RAB5B: variants seen among roughly 807,000 people sequenced by gnomAD.
RAB5B encodes the protein RAB5B, member RAS oncogene family.
RAB5B carries 11 observed loss-of-function variants against 28.6 expected under a neutral mutation model. The observed-to-expected ratio is 0.38, with a 90% CI of 0.24 to 0.64. RAB5B has a LOEUF of 0.64. Among genes scored for constraint, RAB5B ranks in the 30% least tolerant of loss-of-function variants. RAB5B has a pLI of 0.53. For synonymous variants in RAB5B, 93 were observed against 97.9 expected, an observed-to-expected ratio of 0.95 and a Z score of 0.29; for missense variants, 169 against 265.6, an observed-to-expected ratio of 0.64 and a Z score of 2.53.
At chr12:55,983,894 A>G (rs923570986) in intron 1 of RAB5B, among the ~76,000 whole-genome samples, 3 of 151,660 alleles carry the variant, frequency 2.0e-5, no homozygotes, top group African/African-American at 7.3e-5. Flanking sequence ...TCCTCACCTC[A>G]AGCAAGGCTT....
At chr12:55,979,753 TA>T (rs1295415413) in intron 1 of RAB5B, among the ~76,000 whole-genome samples, 2 of 152,142 alleles carry the variant, frequency 1.3e-5, no homozygotes, top group African/African-American at 4.8e-5. Flanking sequence ...AGTACTTACC[TA>T]AACTGAATAG....
Position 55,990,060 on chromosome 12 carries a change from GC to G in RAB5B, c.280del (p.Gln94LysfsTer22). 6.2e-7 allele frequency: 1 copy of G among 1,614,186 alleles called. No individual in the cohort carries two copies. The highest frequency in any genetic ancestry group is 8.5e-7 in the Non-Finnish European group (1 of 1,180,024). Reference protein sequence around the residue: ...HSLAPMYYRGAQAAIVVYDIT... With the variant: ...HSLAPMYYRGXQAAIVVYDIT... ...CTTAGCCCCCATGTACTACAGGGGT[GC>G]CCAAGCTGCAATCGTGGTTTACGAC... On this transcript the variant is annotated frameshift_variant, in exon 3 of 6. Transcript: ENST00000360299. LOFTEE classifies it high-confidence loss of function.
At chr12:55,978,289 G>A (rs1215888844) in intron 1 of RAB5B, among the ~76,000 whole-genome samples, 1 of 152,158 alleles carries the variant, frequency 6.6e-6, no homozygotes, top group Non-Finnish European at 1.5e-5. Context: ...CACGAGGTCA[G>A]GAGATTGAGA....
intron 3 of RAB5B, 49 bp downstream of exon 3, chr12:55,990,147 C>T (rs774010335): frequency 3.4e-5 from 53 of 1,554,128 alleles, no homozygotes; most frequent in Middle Eastern, 1.7e-4. Context: ...TGGTGGCTTA[C>T]GCCTATAATC....
chr12:55,978,459 G>A (rs1268118760), intron 1 of RAB5B, among the ~76,000 whole-genome samples: 1 of 151,764 alleles, frequency 6.6e-6, no homozygotes, highest in Non-Finnish European at 1.5e-5. Context: ...AGCCGAGATC[G>A]CGTCACTGCA....
chr12:55,992,605 GTTC>G lies in RAB5B; in HGVS notation c.*396_*398del. On this transcript the variant is annotated 3_prime_UTR_variant, in exon 6 of 6. Coordinates refer to ENST00000360299, the MANE Select transcript of RAB5B (RefSeq NM_002868.4). Reference sequence around the variant, plus strand: ...CCCCTTCTGCTTTTGGTCAGTCCCTGTTCTTGAGCCTCTTTTCTCCTCTCCCCA... The same window carrying G: ...CCCCTTCTGCTTTTGGTCAGTCCCTGTTGAGCCTCTTTTCTCCTCTCCCCA... 1 of 446,206 alleles carries G rather than the reference GTTC, an allele frequency of 2.2e-6. No individual in the cohort carries two copies. The highest frequency in any genetic ancestry group is 4.4e-6 in the Non-Finnish European group (1 of 226,740). 27.6% of individuals were successfully genotyped at this position (446,206 alleles called of 1,614,324 possible).
At chr12:55,991,646 C>T (rs1000638422) in intron 5 of RAB5B, 193 bp downstream of exon 5, 47 of 536,042 alleles carry the variant, frequency 8.8e-5, no homozygotes, top group East Asian at 4.3e-4. Context: ...GTAAGTTTGC[C>T]GGCCAGGTGT....
At chr12:55,989,657 TAGA>T (rs1290303118) in intron 2 of RAB5B, among the ~76,000 whole-genome samples, 2 of 152,244 alleles carry the variant, frequency 1.3e-5, no homozygotes, top group Non-Finnish European at 1.5e-5. Context: ...CTATTTTGGT[TAGA>T]AGAAGGATGA....
intron 3 of RAB5B, 57 bp from the exon 4 acceptor site, chr12:55,990,624 GT>G: frequency 6.3e-7 from 1 of 1,599,584 alleles, no homozygotes; most frequent in African/African-American, 1.3e-5. Flanking sequence ...ATTTTAAAAG[GT>G]GATGGATATG....
chr12:55,978,362 C>T (rs546531531), intron 1 of RAB5B, among the ~76,000 whole-genome samples: 5 of 151,892 alleles, frequency 3.3e-5, no homozygotes, highest in South Asian at 2.1e-4. Context: ...ATTAGCTGGG[C>T]GTGGTGGTGG....
At chr12:55,977,393 T>G (rs1018548571) in intron 1 of RAB5B, among the ~76,000 whole-genome samples, 1 of 152,104 alleles carries the variant, frequency 6.6e-6, no homozygotes, top group Non-Finnish European at 1.5e-5. Flanking sequence ...AGACCTGGAG[T>G]TGCAAAAATA....
Position 55,990,984 on chromosome 12 carries a change from G to A in RAB5B, c.438+180G>A. Reference sequence around the variant, plus strand: ...AATGACAGCCAGGAGATTTTCAAAGGAGTCAGGAGAAAACTCCAGAGCAGA... The same window carrying A: ...AATGACAGCCAGGAGATTTTCAAAGAAGTCAGGAGAAAACTCCAGAGCAGA... On this transcript the variant is annotated intron_variant, in intron 4 of 5. Transcript: ENST00000360299. The A allele has an allele frequency of 6.2e-6, 5 of 806,032 alleles. No homozygotes were observed. The South Asian group carries it at 9.3e-5, about 15-fold the overall frequency. The allele number at this position is 806,032 out of a possible 1,614,324, so 49.9% of individuals were successfully genotyped here.
intron 5 of RAB5B, 142 bp from the exon 6 acceptor site, chr12:55,991,955 A>G: frequency 1.6e-6 from 1 of 634,290 alleles, no homozygotes; most frequent in Admixed American, 3.0e-5. Context: ...GCAAATAGTG[A>G]ACCCTCCCAT....
At chr12:55,991,251 AG>A (rs1252150789) in intron 4 of RAB5B, 108 bp from the exon 5 acceptor site, 2 of 763,788 alleles carry the variant, frequency 2.6e-6, no homozygotes, top group East Asian at 5.0e-5. Context: ...GTATTAATTA[AG>A]GGGAGGGAAC....
Position 55,989,913 on chromosome 12 carries a change from T to G in RAB5B, c.164-34T>G, listed in dbSNP as rs763521349. 1.9e-6 allele frequency: 3 copies of G among 1,593,668 alleles called. No individual in the cohort carries two copies. The African/African-American group carries it at 4.0e-5, about 21-fold the overall frequency. ...GGATGTTCCCATTCATCCTCCCACTTACAGCATCTTCCCCTCCATTCTCTC... is the reference window on the plus strand; with the variant it reads ...GGATGTTCCCATTCATCCTCCCACTGACAGCATCTTCCCCTCCATTCTCTC... On this transcript the variant is annotated intron_variant, in intron 2 of 5. Transcript: ENST00000360299.
chr12:55,987,700 A>C (rs61937247), intron 2 of RAB5B, among the ~76,000 whole-genome samples: 36,033 of 151,238 alleles, frequency 0.24, 5,053 homozygotes, highest in Non-Finnish European at 0.32. Context: ...GCGTGGTGGC[A>C]GGCGCCTGTA....
At chr12:55,990,162 C>A in intron 3 of RAB5B, 64 bp downstream of exon 3, 1 of 1,507,468 alleles carries the variant, frequency 6.6e-7, no homozygotes, top group Non-Finnish European at 9.0e-7. Flanking sequence ...ATAATCCCAA[C>A]ACTTTAGGAT....
Position 55,991,219 on chromosome 12 carries a change from C to G in RAB5B, c.439-141C>G, listed in dbSNP as rs78844214. 3,814 of 621,654 alleles carry G rather than the reference C, an allele frequency of 6.1e-3. 41 individuals carry two copies. Among genetic ancestry groups the G allele is most frequent in the Middle Eastern group, 8.1e-3 (28 of 3,458 alleles). The allele number at this position is 621,654 out of a possible 1,614,324, so 38.5% of individuals were successfully genotyped here. A position where few individuals can be genotyped will look rare whatever the true frequency, so the allele number is the denominator to read the frequency against. On this transcript the variant is annotated intron_variant, in intron 4 of 5. Coordinates refer to ENST00000360299, the MANE Select transcript of RAB5B (RefSeq NM_002868.4). ...AGGGAGTTGTCATTAAATTATGCAT[C>G]TAGGCTAGCTGGCTCAAAGGGGTAT... is the stretch of plus-strand genomic sequence containing the variant.
rs971093200 is a variant in RAB5B, at chr12:55,994,975, T to C, written c.*2763T>C. 1.3e-5 allele frequency: 2 copies of C among 152,226 alleles called. No homozygotes were observed. The highest frequency in any genetic ancestry group is 4.8e-5 in the African/African-American group (2 of 41,462). 9.4% of individuals were successfully genotyped at this position (152,226 alleles called of 1,614,324 possible). A position where few individuals can be genotyped will look rare whatever the true frequency, so the allele number is the denominator to read the frequency against. On this transcript the variant is annotated 3_prime_UTR_variant, in exon 6 of 6. Coordinates refer to ENST00000360299, the MANE Select transcript of RAB5B (RefSeq NM_002868.4). ...TCAAATCAAACCCTATTATATCTTTTTAGGCCCTCTTAACAGAATGTATAT... is the reference window on the plus strand; with the variant it reads ...TCAAATCAAACCCTATTATATCTTTCTAGGCCCTCTTAACAGAATGTATAT...
Sources: allele counts gnomAD v4.1 joint callset (sites outside exome capture counted in the v4.1 genomes callset), GRCh38; gene constraint gnomAD v4.1.1; transcripts MANE v1.5; gene names NCBI Gene and HGNC (gene_info 2026-07-23, HGNC 2026-07-21).